IL1RAPL2: variants seen among roughly 807,000 people sequenced by gnomAD.
IL1RAPL2 encodes the protein X-linked interleukin-1 receptor accessory protein-like 2.
Under a neutral mutation model 44.1 loss-of-function variants are expected in IL1RAPL2, and 3 were observed. That is an observed-to-expected ratio of 0.07 (90% confidence interval 0.03 to 0.18). IL1RAPL2 has a LOEUF of 0.18. IL1RAPL2 is among the 10% of genes least tolerant of loss of function. The probability of loss-of-function intolerance (pLI) is 1.00; values close to 1 mark genes in which losing one functional copy is unlikely to be tolerated. For missense variants in IL1RAPL2, 391 were observed against 496.4 expected (o/e 0.79, Z 2.02); for synonymous variants, 181 against 178.8 (o/e 1.01, Z -0.10).
chrX:104,773,712 C>G (rs994078159), intron 2 of IL1RAPL2, among the ~76,000 whole-genome samples: 1 of 112,080 alleles, frequency 8.9e-6, no homozygotes, highest in Non-Finnish European at 1.9e-5. Context: ...GTTGCTACAG[C>G]CATCATGTGA....
At chrX:105,210,073 C>T (rs1164606485) in intron 3 of IL1RAPL2, among the ~76,000 whole-genome samples, 2 of 110,172 alleles carry the variant, frequency 1.8e-5, no homozygotes, top group African/African-American at 3.3e-5. Context: ...ACCACTGTCC[C>T]ACCACCACCC....
chrX:104,981,398 A>G (rs2030437364), intron 2 of IL1RAPL2, among the ~76,000 whole-genome samples: 2 of 110,414 alleles, frequency 1.8e-5, no homozygotes, highest in South Asian at 7.7e-4. Context: ...CATTGTTGGT[A>G]TATAGAAATG....
intron 1 of IL1RAPL2, among the ~76,000 whole-genome samples, chrX:104,568,198 ATCC>A (rs960065340): frequency 1.8e-5 from 2 of 110,192 alleles, no homozygotes; most frequent in Non-Finnish European, 3.8e-5. Flanking sequence ...CCAAGAAGGA[ATCC>A]TCCTTTCTTT....
At chrX:105,279,975 A>G (rs1003894622) in intron 5 of IL1RAPL2, among the ~76,000 whole-genome samples, 3 of 112,311 alleles carry the variant, frequency 2.7e-5, no homozygotes, top group Non-Finnish European at 3.8e-5. Context: ...AGCCAAGACA[A>G]TCCTGGGTGA....
At chrX:105,540,823 TATTATATATGATATATAATAC>T (rs1297217027) in intron 6 of IL1RAPL2, among the ~76,000 whole-genome samples, 121 of 99,233 alleles carry the variant, frequency 1.2e-3, no homozygotes, top group African/African-American at 4.3e-3. Flanking sequence ...TATATACATA[TATTATATATGATATATAATAC>T]ATACATATAT....
intron 5 of IL1RAPL2, among the ~76,000 whole-genome samples, chrX:105,338,498 A>G (rs1028167040): frequency 6.3e-5 from 7 of 111,928 alleles, no homozygotes; most frequent in Non-Finnish European, 9.4e-5. Context: ...GGTTATACCT[A>G]CTTCCTGCCT....
At chrX:104,940,981 GT>G (rs1228291374) in intron 2 of IL1RAPL2, among the ~76,000 whole-genome samples, 6 of 104,849 alleles carry the variant, frequency 5.7e-5, no homozygotes, top group Admixed American at 5.3e-4. Context: ...GTGGTGTTTG[GT>G]TTTCTGTCCT....
chrX:105,491,429 A>T (rs1372447690), intron 6 of IL1RAPL2, among the ~76,000 whole-genome samples: 1 of 111,655 alleles, frequency 9.0e-6, no homozygotes, highest in Non-Finnish European at 1.9e-5. Flanking sequence ...GATTTTTTAA[A>T]TTTTTTATAT....
At chrX:105,021,297 G>T (rs1480726161) in intron 2 of IL1RAPL2, among the ~76,000 whole-genome samples, 32 of 111,432 alleles carry the variant, frequency 2.9e-4, no homozygotes, top group African/African-American at 9.1e-4. Flanking sequence ...GAAGGGCTGT[G>T]TGGGTCAGGG....
chrX:104,945,681 G>A (rs1203471756), intron 2 of IL1RAPL2, among the ~76,000 whole-genome samples: 1 of 111,930 alleles, frequency 8.9e-6, no homozygotes, highest in African/African-American at 3.2e-5. Flanking sequence ...AATGTATAGT[G>A]TATACGAATA....
intron 6 of IL1RAPL2, among the ~76,000 whole-genome samples, chrX:105,592,388 C>T (rs751272788): frequency 1.8e-5 from 2 of 111,760 alleles, no homozygotes; most frequent in Admixed American, 1.9e-4. Flanking sequence ...CAACTTGCCA[C>T]TCTGTGCCTT....
chrX:104,647,743 C>A, intron 1 of IL1RAPL2: 1 of 541,251 alleles, frequency 1.8e-6, no homozygotes, highest in Non-Finnish European at 3.4e-6. Context: ...TGTTGACATT[C>A]TGTAAGTCTT....
chrX:105,753,872 A>G (rs1458945560), intron 9 of IL1RAPL2, among the ~76,000 whole-genome samples: 2 of 111,553 alleles, frequency 1.8e-5, no homozygotes, highest in African/African-American at 6.5e-5. Context: ...GTGAAGGCTA[A>G]AATCTTACTA....
intron 5 of IL1RAPL2, among the ~76,000 whole-genome samples, chrX:105,325,448 A>G (rs1206062971): frequency 9.4e-6 from 1 of 106,840 alleles, no homozygotes; most frequent in Non-Finnish European, 1.9e-5. Flanking sequence ...CATTTGCATT[A>G]TTTACACTTT....
At chrX:105,243,532 C>CAT (rs1385918461) in intron 4 of IL1RAPL2, among the ~76,000 whole-genome samples, 129 of 95,965 alleles carry the variant, frequency 1.3e-3, no homozygotes, top group African/African-American at 4.8e-3. Flanking sequence ...ATGGAGATTT[C>CAT]ATATATATAT....
At chrX:105,284,948 T>C (rs1007509151) in intron 5 of IL1RAPL2, among the ~76,000 whole-genome samples, 3 of 111,785 alleles carry the variant, frequency 2.7e-5, no homozygotes, top group Non-Finnish European at 3.8e-5. Flanking sequence ...ATTCATATAC[T>C]TAGCCTATTT....
At chrX:105,526,041 C>T (rs1171420340) in intron 6 of IL1RAPL2, among the ~76,000 whole-genome samples, 1 of 111,428 alleles carries the variant, frequency 9.0e-6, no homozygotes, top group Non-Finnish European at 1.9e-5. Flanking sequence ...CTTTCTTAAT[C>T]CCACAGTTGA....
rs1006924810 is a variant in IL1RAPL2, at chrX:104,933,358, A to G, written c.83-262117A>G. The stretch of plus-strand genomic sequence containing the variant: ...ATCCTGGTTCCAAAACACACATTCT[A>G]TACCCAGCAAAACAAGGAGTACTTG... On this transcript the variant is annotated intron_variant, in intron 2 of 10. Coordinates refer to ENST00000372582, the MANE Select transcript of IL1RAPL2 (RefSeq NM_017416.2). Among the ~76,000 whole-genome samples the G allele has an allele frequency of 2.7e-5, 3 of 111,860 alleles. No individual in the cohort carries two copies. The South Asian group carries it at 1.1e-3, about 42-fold the overall frequency.
At chrX:105,541,314 A>G (rs2036732981) in intron 6 of IL1RAPL2, among the ~76,000 whole-genome samples, 1 of 110,922 alleles carries the variant, frequency 9.0e-6, no homozygotes, top group Non-Finnish European at 1.9e-5. Flanking sequence ...ATTTGATGGA[A>G]GAGATGGCAC....
Sources: gnomAD v4.1 joint callset for allele counts (sites outside exome capture counted in the v4.1 genomes callset) on GRCh38, gnomAD v4.1.1 for gene constraint, MANE v1.5 for transcripts, NCBI Gene and HGNC (gene_info 2026-07-23, HGNC 2026-07-21) for gene names.